SLC14A2: variants seen among roughly 807,000 people sequenced by gnomAD.
SLC14A2 encodes the protein solute carrier family 14 member 2.
A neutral mutation model predicts 104.6 loss-of-function variants in SLC14A2; 91 were observed. That is an observed-to-expected ratio of 0.87 (90% confidence interval 0.73 to 1.04). The LOEUF (loss-of-function observed/expected upper bound fraction) is 1.04, where lower values mean the gene tolerates loss of function less well. Among genes scored for constraint, SLC14A2 ranks in the 50% least tolerant of loss-of-function variants. The probability of loss-of-function intolerance (pLI) is 0.00; values close to 1 mark genes in which losing one functional copy is unlikely to be tolerated. For synonymous variants in SLC14A2, 476 were observed against 466.4 expected (o/e 1.02, Z -0.27); for missense variants, 1,189 against 1,156.0 (o/e 1.03, Z -0.41).
At chr18:45,182,027 G>T in the SLC14A2 span, among the ~76,000 whole-genome samples, 4 of 151,962 alleles carry the variant, frequency 2.6e-5, no homozygotes, top group South Asian at 8.3e-4. Flanking sequence ...GGCCAAAAGA[G>T]AATCATTGGC....
At chr18:45,469,396 A>C (rs1213663461) in intron 1 of SLC14A2, among the ~76,000 whole-genome samples, 1 of 152,214 alleles carries the variant, frequency 6.6e-6, no homozygotes, top group Non-Finnish European at 1.5e-5. Context: ...ATGCTGAATC[A>C]ACAGGAGAGG....
intron 7 of SLC14A2, among the ~76,000 whole-genome samples, chr18:45,640,430 C>T (rs182699397): frequency 6.6e-6 from 1 of 152,276 alleles, no homozygotes; most frequent in Non-Finnish European, 1.5e-5. Flanking sequence ...TGGCCCAGCA[C>T]TCTGAAATTT....
intron 1 of SLC14A2, among the ~76,000 whole-genome samples, chr18:45,276,988 C>T (rs2084709396): frequency 6.6e-6 from 1 of 152,136 alleles, no homozygotes; most frequent in Non-Finnish European, 1.5e-5. Context: ...CTTCTTTATT[C>T]TCTCCTATTA....
chr18:45,640,627 T>C (rs985763094), intron 7 of SLC14A2, among the ~76,000 whole-genome samples: 1 of 152,212 alleles, frequency 6.6e-6, no homozygotes, highest in African/African-American at 2.4e-5. Flanking sequence ...TCTTCTAATA[T>C]TTTTCAAAGA....
chr18:45,270,144 A>T (rs190634768), intron 1 of SLC14A2, among the ~76,000 whole-genome samples: 1 of 152,204 alleles, frequency 6.6e-6, no homozygotes, highest in East Asian at 1.9e-4. Flanking sequence ...AGCCTAAACC[A>T]TACACTCTTC....
the SLC14A2 span, among the ~76,000 whole-genome samples, chr18:45,193,395 C>A: frequency 6.6e-6 from 1 of 152,128 alleles, no homozygotes; most frequent in African/African-American, 2.4e-5. Context: ...TTTTGCTTTG[C>A]ATATAGGGCA....
chr18:45,332,558 G>C (rs1363558096), intron 1 of SLC14A2, among the ~76,000 whole-genome samples: 1 of 152,136 alleles, frequency 6.6e-6, no homozygotes, highest in Non-Finnish European at 1.5e-5. Context: ...TAAGGACCAG[G>C]TCCTGGATGG....
chr18:45,592,647 G>T (rs575739510), intron 2 of SLC14A2, among the ~76,000 whole-genome samples: 1 of 152,304 alleles, frequency 6.6e-6, no homozygotes, highest in South Asian at 2.1e-4. Context: ...CAGCCAAAAG[G>T]TACAGGCATT....
chr18:45,422,424 G>A (rs1273655268), intron 1 of SLC14A2, among the ~76,000 whole-genome samples: 1 of 152,202 alleles, frequency 6.6e-6, no homozygotes, highest in Non-Finnish European at 1.5e-5. Flanking sequence ...AATAGTTGGT[G>A]CCACTCATAT....
chr18:45,245,100 C>T (rs1257284969), intron 1 of SLC14A2, among the ~76,000 whole-genome samples: 1 of 152,186 alleles, frequency 6.6e-6, no homozygotes, highest in Non-Finnish European at 1.5e-5. Context: ...TCCTGTGATT[C>T]CTTCCATCCT....
At chr18:45,240,316 T>C (rs559554310) in intron 1 of SLC14A2, among the ~76,000 whole-genome samples, 14 of 151,794 alleles carry the variant, frequency 9.2e-5, no homozygotes, top group Non-Finnish European at 1.2e-4. Flanking sequence ...AGGATGGTCT[T>C]GATCTCCTGA....
chr18:45,226,395 A>C (rs1221544352), intron 1 of SLC14A2, among the ~76,000 whole-genome samples: 1 of 152,144 alleles, frequency 6.6e-6, no homozygotes, highest in Admixed American at 6.5e-5. Context: ...CACTATTCAC[A>C]ATAGCAAAGA....
intron 1 of SLC14A2, among the ~76,000 whole-genome samples, chr18:45,267,133 A>G (rs2084600323): frequency 6.6e-6 from 1 of 152,136 alleles, no homozygotes; most frequent in African/African-American, 2.4e-5. Context: ...CAATTATTCA[A>G]TTCAAAAAAT....
chr18:45,504,011 G>C (rs1272468544), intron 2 of SLC14A2, among the ~76,000 whole-genome samples: 2 of 152,130 alleles, frequency 1.3e-5, no homozygotes, highest in East Asian at 3.9e-4. Flanking sequence ...CTCTGATCTT[G>C]CTCTTGCTAT....
chr18:45,668,095 C>A, intron 14 of SLC14A2, 73 bp downstream of exon 14: 1 of 1,429,586 alleles, frequency 7.0e-7, no homozygotes, highest in Non-Finnish European at 9.8e-7. Context: ...TCTTCCTCTT[C>A]CCAGCTGAGA....
chr18:45,444,545 GGAGT>G (rs1314450438), intron 1 of SLC14A2, among the ~76,000 whole-genome samples: 8 of 152,220 alleles, frequency 5.3e-5, no homozygotes, highest in African/African-American at 1.9e-4. Context: ...TATTTAAAAA[GGAGT>G]GAGTTGCCGT....
intron 1 of SLC14A2, among the ~76,000 whole-genome samples, chr18:45,365,460 G>A (rs1393108491): frequency 6.6e-6 from 1 of 152,238 alleles, no homozygotes; most frequent in African/African-American, 2.4e-5. Context: ...CGAACTTCAT[G>A]GAGAGGAACA....
At chr18:45,504,656 G>C (rs2043254093) in intron 2 of SLC14A2, among the ~76,000 whole-genome samples, 1 of 152,192 alleles carries the variant, frequency 6.6e-6, no homozygotes, top group Admixed American at 6.5e-5. Context: ...AAAAATATTT[G>C]AGTTACACAT....
chr18:45,682,641 A>C lies in SLC14A2; in HGVS notation c.*122A>C. 1.3e-6 allele frequency: 1 copy of C among 762,206 alleles called. No homozygotes were observed. Among genetic ancestry groups the C allele is most frequent in the East Asian group, 2.5e-5 (1 of 39,408 alleles). The allele number at this position is 762,206 out of a possible 1,614,324, so 47.2% of individuals were successfully genotyped here. A position where few individuals can be genotyped will look rare whatever the true frequency, so the allele number is the denominator to read the frequency against. ...TCTGTGACTCTCTCCCCAAACACAA[A>C]GAAGCGTGTATGTAGTCACCATTCC... On this transcript the variant is annotated 3_prime_UTR_variant, in exon 20 of 20. Coordinates refer to ENST00000255226, the MANE Select transcript of SLC14A2 (RefSeq NM_007163.4).
Sources: gnomAD v4.1 joint callset for allele counts (sites outside exome capture counted in the v4.1 genomes callset) on GRCh38, gnomAD v4.1.1 for gene constraint, MANE v1.5 for transcripts, NCBI Gene and HGNC (gene_info 2026-07-23, HGNC 2026-07-21) for gene names.